The following COL24A1 variants were observed in gnomAD, a reference collection of about 807,000 sequenced individuals.
COL24A1 encodes collagen alpha-1(XXIV) chain.
In COL24A1, 224 loss-of-function variants were observed where a neutral mutation model predicts 253.9. That is an observed-to-expected ratio of 0.88 (90% confidence interval 0.79 to 0.99). COL24A1 has a LOEUF of 0.99. Ranked by LOEUF, COL24A1 falls within the 50% of genes least tolerant of loss-of-function variation. The pLI is 0.00. For missense variants in COL24A1, 2,131 were observed against 2,068.5 expected, an observed-to-expected ratio of 1.03 and a Z score of -0.59; for synonymous variants, 685 against 673.7, an observed-to-expected ratio of 1.02 and a Z score of -0.26.
chr1:85,927,400 A>G (rs2103067827), intron 24 of COL24A1, among the ~76,000 whole-genome samples: 1 of 147,534 alleles, frequency 6.8e-6, no homozygotes, highest in African/African-American at 2.5e-5. Context: ...GCACCACGAG[A>G]CTATATCCCA....
At chr1:85,917,283 A>G (rs1241997622) in intron 24 of COL24A1, among the ~76,000 whole-genome samples, 1 of 152,142 alleles carries the variant, frequency 6.6e-6, no homozygotes, top group Non-Finnish European at 1.5e-5. Context: ...TATACACACA[A>G]CTTTAGGATA....
intron 12 of COL24A1, among the ~76,000 whole-genome samples, chr1:86,037,362 A>G (rs1345969307): frequency 6.6e-6 from 1 of 152,172 alleles, no homozygotes; most frequent in Non-Finnish European, 1.5e-5. Flanking sequence ...ACACTATATA[A>G]GACTGTCTTA....
chr1:85,894,456 G>C (rs1380005054), intron 31 of COL24A1, among the ~76,000 whole-genome samples: 1 of 151,922 alleles, frequency 6.6e-6, no homozygotes, highest in African/African-American at 2.4e-5. Context: ...TTCTAGGGAA[G>C]GTCAACAATG....
At chr1:85,844,906 G>A (rs1036497360) in intron 39 of COL24A1, among the ~76,000 whole-genome samples, 1 of 151,706 alleles carries the variant, frequency 6.6e-6, no homozygotes, top group Non-Finnish European at 1.5e-5. Flanking sequence ...GTTCCATACT[G>A]TTACAGAGCA....
chr1:85,897,205 A>AACACATGG (rs1683830065), intron 28 of COL24A1, among the ~76,000 whole-genome samples: 1 of 152,172 alleles, frequency 6.6e-6, no homozygotes, highest in African/African-American at 2.4e-5. Context: ...GAATGATGAT[A>AACACATGG]ACACATGGAC....
chr1:85,898,568 T>G (rs1683989454), intron 28 of COL24A1, among the ~76,000 whole-genome samples: 1 of 152,248 alleles, frequency 6.6e-6, no homozygotes, highest in Non-Finnish European at 1.5e-5. Context: ...ACAGTCTTAC[T>G]GTGCAAGACC....
At chr1:85,807,795 AG>A (rs1672137763) in intron 47 of COL24A1, among the ~76,000 whole-genome samples, 3 of 152,192 alleles carry the variant, frequency 2.0e-5, no homozygotes, top group Non-Finnish European at 4.4e-5. Flanking sequence ...TTCTTGAGAG[AG>A]ACCTATGGTC....
At chr1:85,865,096 A>T (rs1026960501) in intron 37 of COL24A1, among the ~76,000 whole-genome samples, 17 of 151,644 alleles carry the variant, frequency 1.1e-4, no homozygotes, top group South Asian at 2.1e-4. Context: ...CCCTTGCTTT[A>T]TTTTTCAATC....
At chr1:85,907,681 G>A (rs1010895832) in intron 27 of COL24A1, among the ~76,000 whole-genome samples, 1 of 151,568 alleles carries the variant, frequency 6.6e-6, no homozygotes, top group Admixed American at 6.6e-5. Flanking sequence ...TAGTTTTTTT[G>A]TTATAAAAAT....
intron 50 of COL24A1, 127 bp from the exon 51 acceptor site, chr1:85,783,685 G>T: frequency 1.2e-6 from 1 of 809,554 alleles, no homozygotes; most frequent in Non-Finnish European, 2.0e-6. Flanking sequence ...GCATGCTGAA[G>T]AATTCAGAAG....
chr1:86,063,723 C>T lies in COL24A1; in HGVS notation c.1744G>A (p.Gly582Ser). Residue 582 changes from glycine to serine, a missense_variant, in exon 8 of 60, where the codon GGT becomes AGT. Physicochemically the swap from Gly to Ser is moderately conservative, Grantham distance 56. Coordinates refer to ENST00000370571, the MANE Select transcript of COL24A1 (RefSeq NM_152890.7). The part of the protein sequence containing the change: ...KGHPGLPGLP[G>S]EQGIPGFAGN... ...ATAAAGGAAGTACCTACTTGTTCAC[C>T]TGGAAGTCCTGGGAGTCCAGGATGT... 6.4e-7 allele frequency: 1 copy of T among 1,552,042 alleles called. No homozygotes were observed. The highest frequency in any genetic ancestry group is 8.7e-7 in the Non-Finnish European group (1 of 1,148,440).
At chr1:85,919,678 C>G (rs1686255120) in intron 24 of COL24A1, among the ~76,000 whole-genome samples, 1 of 152,096 alleles carries the variant, frequency 6.6e-6, no homozygotes, top group Admixed American at 6.6e-5. Flanking sequence ...GAGACCCTGT[C>G]TCTTAAAAAA....
chr1:86,013,309 C>A lies in COL24A1; in HGVS notation c.2310+3842G>T, dbSNP rs538232801. Among the ~76,000 whole-genome samples, 4 of 152,312 alleles carry A rather than the reference C, an allele frequency of 2.6e-5. No individual in the cohort carries two copies. The South Asian group carries it at 8.3e-4, about 32-fold the overall frequency. On this transcript the variant is annotated intron_variant, in intron 19 of 59. Transcript: ENST00000370571. The stretch of plus-strand genomic sequence containing the variant: ...TTACTTTCACTGAATTATGCTTTCA[C>A]ATTGTAACATCCATCTATACTGAAT...
intron 39 of COL24A1, among the ~76,000 whole-genome samples, chr1:85,843,311 A>G (rs1402258042): frequency 1.3e-5 from 2 of 152,226 alleles, no homozygotes; most frequent in African/African-American, 4.8e-5. Context: ...AGACTCATCC[A>G]GATAAGAACA....
At chr1:85,961,595 C>T (rs972842367) in intron 23 of COL24A1, among the ~76,000 whole-genome samples, 2 of 152,086 alleles carry the variant, frequency 1.3e-5, no homozygotes, top group South Asian at 2.1e-4. Flanking sequence ...CAAATAGTAA[C>T]GTATCAGTCT....
intron 24 of COL24A1, among the ~76,000 whole-genome samples, chr1:85,939,814 C>T (rs1688572546): frequency 6.6e-6 from 1 of 151,868 alleles, no homozygotes. Context: ...TTCAAATAAA[C>T]CAGATGAGGA....
intron 5 of COL24A1, among the ~76,000 whole-genome samples, chr1:86,104,725 C>T (rs1704787118): frequency 6.6e-6 from 1 of 152,158 alleles, no homozygotes; most frequent in African/African-American, 2.4e-5. Flanking sequence ...GTTCTCTGGC[C>T]CTTCAAGGTT....
At chr1:86,020,445 G>C (rs1461450467) in intron 18 of COL24A1, among the ~76,000 whole-genome samples, 1 of 152,130 alleles carries the variant, frequency 6.6e-6, no homozygotes, top group Non-Finnish European at 1.5e-5. Flanking sequence ...TTAAGTGCCA[G>C]AGCTGGGACC....
chr1:85,996,446 C>T lies in COL24A1; in HGVS notation c.2311-8792G>A, dbSNP rs561892431. Among the ~76,000 whole-genome samples, 254 of 151,562 alleles carry T rather than the reference C, an allele frequency of 1.7e-3. 1 individual carries two copies. Among genetic ancestry groups the T allele is most frequent in the Non-Finnish European group, 3.1e-3 (212 of 67,822 alleles). On this transcript the variant is annotated intron_variant, in intron 19 of 59. Coordinates refer to ENST00000370571, the MANE Select transcript of COL24A1 (RefSeq NM_152890.7). ...ATCCTAGCACTTTGGGAGGCCGAGG[C>T]GGGTGGATCACCTGAGGTCAGGAGT...
Sources: allele counts gnomAD v4.1 joint callset (sites outside exome capture counted in the v4.1 genomes callset), GRCh38; gene constraint gnomAD v4.1.1; transcripts MANE v1.5; gene names NCBI Gene and HGNC (gene_info 2026-07-23, HGNC 2026-07-21).